The following PCDH9 variants were observed in gnomAD, a reference collection of about 807,000 sequenced individuals.
PCDH9 encodes protocadherin 9, also known as protocadherin-9.
In PCDH9, 24 loss-of-function variants were observed where a neutral mutation model predicts 70.6. The observed-to-expected ratio is 0.34, with a 90% CI of 0.25 to 0.48. The LOEUF (loss-of-function observed/expected upper bound fraction) is 0.48, where lower values mean the gene tolerates loss of function less well. PCDH9 is among the 20% of genes least tolerant of loss of function. The probability of loss-of-function intolerance (pLI) is 0.99; values close to 1 mark genes in which losing one functional copy is unlikely to be tolerated. For missense variants in PCDH9, 1,281 were observed against 1,503.6 expected (o/e 0.85, Z 2.45); for synonymous variants, 562 against 558.5 (o/e 1.01, Z -0.09).
intron 2 of PCDH9, among the ~76,000 whole-genome samples, chr13:66,968,346 T>C (rs1594325213): frequency 6.6e-6 from 1 of 152,152 alleles, no homozygotes; most frequent in Admixed American, 6.6e-5. Context: ...ATTACCCCCA[T>C]GGCTTTGTAC....
At chr13:66,778,099 A>G (rs1192872558) in intron 3 of PCDH9, among the ~76,000 whole-genome samples, 2 of 127,682 alleles carry the variant, frequency 1.6e-5, no homozygotes, top group Admixed American at 1.9e-4. Flanking sequence ...ACATGGACAC[A>G]GGAAGGGGAA....
intron 3 of PCDH9, among the ~76,000 whole-genome samples, chr13:66,730,919 C>T (rs1240309038): frequency 1.7e-5 from 2 of 116,014 alleles, no homozygotes; most frequent in Non-Finnish European, 3.3e-5. Flanking sequence ...AGACAGAGGT[C>T]TCACTATGCT....
intron 3 of PCDH9, among the ~76,000 whole-genome samples, chr13:66,776,700 C>T (rs956595528): frequency 2.6e-5 from 4 of 152,006 alleles, no homozygotes; most frequent in Non-Finnish European, 4.4e-5. Flanking sequence ...AATGGCCATA[C>T]TGCCCAAGGT....
At chr13:66,901,383 A>G (rs1033490467) in intron 3 of PCDH9, among the ~76,000 whole-genome samples, 1 of 151,774 alleles carries the variant, frequency 6.6e-6, no homozygotes, top group African/African-American at 2.4e-5. Context: ...ATGCTGTTAA[A>G]TAAGCATAAG....
At chr13:66,336,050 G>A (rs1467864071) in intron 4 of PCDH9, among the ~76,000 whole-genome samples, 1 of 151,956 alleles carries the variant, frequency 6.6e-6, no homozygotes, top group African/African-American at 2.4e-5. Flanking sequence ...AGTCATGTGT[G>A]GTAATGGGTA....
chr13:66,821,637 A>G (rs2080713809), intron 3 of PCDH9, among the ~76,000 whole-genome samples: 1 of 152,108 alleles, frequency 6.6e-6, no homozygotes, highest in Non-Finnish European at 1.5e-5. Context: ...TTTTTTTATT[A>G]AGTCATCCTA....
chr13:66,652,129 C>G (rs963875814), intron 3 of PCDH9, among the ~76,000 whole-genome samples: 1 of 152,018 alleles, frequency 6.6e-6, no homozygotes, highest in African/African-American at 2.4e-5. Flanking sequence ...TGTTATTCAA[C>G]ATATTACTGA....
chr13:66,756,982 G>A (rs1403048117), intron 3 of PCDH9, among the ~76,000 whole-genome samples: 1 of 151,988 alleles, frequency 6.6e-6, no homozygotes, highest in Non-Finnish European at 1.5e-5. Context: ...GACTACAGGT[G>A]GGCACCATCA....
chr13:67,038,627 C>A (rs2085053161), intron 2 of PCDH9, among the ~76,000 whole-genome samples: 1 of 152,146 alleles, frequency 6.6e-6, no homozygotes, highest in Non-Finnish European at 1.5e-5. Context: ...AATTACAAAT[C>A]TAATACTCAA....
intron 4 of PCDH9, among the ~76,000 whole-genome samples, chr13:66,359,877 T>C (rs1360576212): frequency 2.0e-5 from 3 of 152,120 alleles, no homozygotes; most frequent in Admixed American, 6.6e-5. Flanking sequence ...TATAATTACA[T>C]TGTTAAAAGT....
intron 2 of PCDH9, among the ~76,000 whole-genome samples, chr13:67,149,940 C>G (rs1276961464): frequency 2.0e-5 from 3 of 152,128 alleles, no homozygotes; most frequent in African/African-American, 7.2e-5. Context: ...TTGATACTCA[C>G]TTTTGAAGCC....
At position 67,227,844 on chromosome 13, in the gene PCDH9, C is replaced by T. The variant is rs760643967; in HGVS notation, c.597G>A (p.Glu199=). ...GCTGAACAATCAGTTGTGGCCACTT[C>T]TCTCCCTCTGGAGTTTCCACGATAT... is the stretch of plus-strand genomic sequence containing the variant. ...GLDIVETPEG[E]KWPQLIVQQN... is the part of the protein sequence containing the mutation. Residue 199 remains glutamate (E), a synonymous_variant, in exon 2 of 5, where the codon GAG becomes GAA. Coordinates refer to ENST00000377865, the MANE Select transcript of PCDH9 (RefSeq NM_203487.3). The surrounding 1 kb of genome is among the most constrained non-coding windows in gnomAD (Gnocchi z 4.6). The T allele has an allele frequency of 6.8e-6, 11 of 1,613,916 alleles. No individual in the cohort carries two copies. The African/African-American group carries it at 1.5e-4, about 22-fold the overall frequency.
At position 66,341,605 on chromosome 13, in the gene PCDH9, C is replaced by A. The variant is rs548363046; in HGVS notation, c.3341-36577G>T. Reference sequence around the variant, plus strand: ...CCTATGCACATTAGAGCTAGAGAAACACCGACCTAATTAATGATTCTGTTG... The same window carrying A: ...CCTATGCACATTAGAGCTAGAGAAAAACCGACCTAATTAATGATTCTGTTG... On this transcript the variant is annotated intron_variant, in intron 4 of 4. Coordinates refer to ENST00000377865, the MANE Select transcript of PCDH9 (RefSeq NM_203487.3). Among the ~76,000 whole-genome samples the A allele has an allele frequency of 2.6e-5, 4 of 152,284 alleles. No homozygotes were observed. In the East Asian group the frequency reaches 7.7e-4, roughly 29 times the overall value.
chr13:66,980,011 GAT>G (rs1242051111), intron 2 of PCDH9, among the ~76,000 whole-genome samples: 2 of 151,924 alleles, frequency 1.3e-5, no homozygotes, highest in African/African-American at 4.8e-5. Context: ...TTCTCAAGGT[GAT>G]ATATTTTATT....
chr13:67,228,654 C>T, intron 1 of PCDH9, 79 bp from the exon 2 acceptor site: 1 of 410,228 alleles, frequency 2.4e-6, no homozygotes, highest in Admixed American at 4.3e-5. Flanking sequence ...CACACATTTT[C>T]CCCTGAACAT....
intron 2 of PCDH9, among the ~76,000 whole-genome samples, chr13:66,931,684 C>T (rs2139662327): frequency 6.6e-6 from 1 of 152,114 alleles, no homozygotes; most frequent in South Asian, 2.1e-4. Context: ...CTTTTCTGTT[C>T]CACAGGTTTA....
At chr13:66,537,790 A>G (rs1349406280) in intron 4 of PCDH9, among the ~76,000 whole-genome samples, 1 of 152,152 alleles carries the variant, frequency 6.6e-6, no homozygotes, top group African/African-American at 2.4e-5. Context: ...GTCACTAAAT[A>G]GGAAGTGTTC....
At chr13:67,191,140 A>G (rs960421610) in intron 2 of PCDH9, among the ~76,000 whole-genome samples, 15 of 152,134 alleles carry the variant, frequency 9.9e-5, no homozygotes, top group Non-Finnish European at 2.1e-4. Flanking sequence ...TAAAAAAGAA[A>G]ACAATTCACT....
intron 2 of PCDH9, among the ~76,000 whole-genome samples, chr13:67,200,799 C>A (rs2089191308): frequency 6.6e-6 from 1 of 151,976 alleles, no homozygotes; most frequent in Non-Finnish European, 1.5e-5. Flanking sequence ...GGAAGCCCAG[C>A]CTGTGTCCTT....
Sources: allele counts gnomAD v4.1 joint callset (sites outside exome capture counted in the v4.1 genomes callset), GRCh38; gene constraint gnomAD v4.1.1; non-coding constraint Gnocchi (gnomAD v3.1); transcripts MANE v1.5; gene names NCBI Gene and HGNC (gene_info 2026-07-23, HGNC 2026-07-21).